The following ZBBX variants were observed in gnomAD, a reference collection of about 807,000 sequenced individuals.
The protein encoded by ZBBX is zinc finger B-box domain-containing protein 1.
A neutral mutation model predicts 108.5 loss-of-function variants in ZBBX; 101 were observed. The ratio of observed to expected loss-of-function variants is 0.93; its 90% CI spans 0.79 to 1.10. The LOEUF (loss-of-function observed/expected upper bound fraction) is 1.10, where lower values mean the gene tolerates loss of function less well. ZBBX is among the 50% of genes least tolerant of loss of function. The pLI, the probability that ZBBX is intolerant of heterozygous loss-of-function variation, is 0.00. For synonymous variants in ZBBX, 356 were observed against 323.4 expected (o/e 1.10, Z -1.08); for missense variants, 1,009 against 941.4 (o/e 1.07, Z -0.94).
chr3:167,245,065 C>T (rs1403723999), intron 20 of ZBBX, among the ~76,000 whole-genome samples: 1 of 152,118 alleles, frequency 6.6e-6, no homozygotes, highest in African/African-American at 2.4e-5. Flanking sequence ...TAAGGAACAA[C>T]AACAACAACT....
At chr3:167,285,491 A>G (rs1040339865) in intron 19 of ZBBX, among the ~76,000 whole-genome samples, 1 of 152,126 alleles carries the variant, frequency 6.6e-6, no homozygotes, top group African/African-American at 2.4e-5. Flanking sequence ...ATTTTCTAAG[A>G]ATTCTTAAAT....
chr3:167,329,787 C>T (rs997409475), intron 10 of ZBBX, among the ~76,000 whole-genome samples: 1 of 152,164 alleles, frequency 6.6e-6, no homozygotes, highest in Non-Finnish European at 1.5e-5. Context: ...GCTCTGCCTG[C>T]TGCACAGAGG....
chr3:167,291,556 C>T (rs1238808011), intron 18 of ZBBX, among the ~76,000 whole-genome samples: 1 of 152,050 alleles, frequency 6.6e-6, no homozygotes, highest in African/African-American at 2.4e-5. Context: ...CTGAAGGAAG[C>T]ACTAAATATG....
intron 12 of ZBBX, among the ~76,000 whole-genome samples, chr3:167,318,987 C>A (rs537792934): frequency 6.6e-6 from 1 of 152,028 alleles, no homozygotes; most frequent in South Asian, 2.1e-4. Context: ...AACCAGAACT[C>A]TCGTACCTTG....
At chr3:167,304,695 G>T (rs997123447) in intron 17 of ZBBX, among the ~76,000 whole-genome samples, 1 of 152,054 alleles carries the variant, frequency 6.6e-6, no homozygotes, top group Non-Finnish European at 1.5e-5. Context: ...CTATTTTCCA[G>T]GTGAAACGTT....
At chr3:167,188,199 T>C in the ZBBX span, among the ~76,000 whole-genome samples, 1 of 152,186 alleles carries the variant, frequency 6.6e-6, no homozygotes, top group Non-Finnish European at 1.5e-5. Context: ...AGTATTGGTG[T>C]TCAGGGAAGA....
At chr3:167,219,334 C>A in the ZBBX span, among the ~76,000 whole-genome samples, 1 of 151,902 alleles carries the variant, frequency 6.6e-6, no homozygotes. Flanking sequence ...AATACAGATT[C>A]TACTACCACA....
intron 1 of ZBBX, among the ~76,000 whole-genome samples, chr3:167,395,306 T>C (rs1748196534): frequency 6.6e-6 from 1 of 152,072 alleles, no homozygotes; most frequent in Non-Finnish European, 1.5e-5. Context: ...TTAAGTTTTA[T>C]AAATAACAGT....
intron 16 of ZBBX, among the ~76,000 whole-genome samples, chr3:167,306,769 C>A (rs978299725): frequency 6.6e-6 from 1 of 152,168 alleles, no homozygotes; most frequent in African/African-American, 2.4e-5. Context: ...ATACTACTTT[C>A]ATTTTAAATA....
intron 20 of ZBBX, among the ~76,000 whole-genome samples, chr3:167,247,785 G>A (rs1721844658): frequency 6.6e-6 from 1 of 152,120 alleles, no homozygotes; most frequent in Non-Finnish European, 1.5e-5. Context: ...TCAAATGGGA[G>A]CTCTGCCAGG....
chr3:167,255,957 A>G lies in ZBBX; in HGVS notation c.2255-13314T>C, dbSNP rs1576789107. 2.0e-5 allele frequency among the ~76,000 whole-genome samples: 3 copies of G among 152,058 alleles called. No homozygotes were observed. In the South Asian group the frequency reaches 6.2e-4, roughly 32 times the overall value. ...TCCCACCACTCCACCCACACTCCCC[A>G]CTATACTTCCTAGCCTCTGGTAAGC... is the stretch of plus-strand genomic sequence containing the variant. On this transcript the variant is annotated intron_variant, in intron 20 of 21. Coordinates refer to ENST00000675490, the MANE Select transcript of ZBBX (RefSeq NM_001199201.2).
chr3:167,317,564 T>C lies in ZBBX; in HGVS notation c.1017A>G (p.Pro339=). 1 of 1,610,690 alleles carries C rather than the reference T, an allele frequency of 6.2e-7. No individual in the cohort carries two copies. The highest frequency in any genetic ancestry group is 8.5e-7 in the Non-Finnish European group (1 of 1,178,206). Residue 339 remains proline (P), a synonymous_variant, in exon 13 of 22, where the codon CCA becomes CCG. Coordinates refer to ENST00000675490, the MANE Select transcript of ZBBX (RefSeq NM_001199201.2). Reference sequence around the variant, plus strand: ...TTTCATGTGGATGTGGGAACGTATCTGGTAGCATTTTAAAAAGTTGCTCTT... The same window carrying C: ...TTTCATGTGGATGTGGGAACGTATCCGGTAGCATTTTAAAAAGTTGCTCTT... ...TPQEQLFKML[P]DTFPHPHETT...
intron 10 of ZBBX, among the ~76,000 whole-genome samples, chr3:167,333,196 G>C (rs570550836): frequency 6.6e-6 from 1 of 151,960 alleles, no homozygotes; most frequent in African/African-American, 2.4e-5. Flanking sequence ...CAAGCAGAAT[G>C]ACTTCAGCTA....
chr3:167,203,804 T>G, the ZBBX span, among the ~76,000 whole-genome samples: 1 of 152,158 alleles, frequency 6.6e-6, no homozygotes, highest in Non-Finnish European at 1.5e-5. Flanking sequence ...ATAGCCGAAA[T>G]GTAATATTGG....
At chr3:167,390,765 G>A (rs768471653) in intron 1 of ZBBX, among the ~76,000 whole-genome samples, 10 of 152,048 alleles carry the variant, frequency 6.6e-5, no homozygotes, top group African/African-American at 2.4e-4. Context: ...GTGAATGGGA[G>A]TTCACTCATG....
chr3:167,202,975 A>C, the ZBBX span, among the ~76,000 whole-genome samples: 1 of 152,186 alleles, frequency 6.6e-6, no homozygotes, highest in Non-Finnish European at 1.5e-5. Flanking sequence ...CCATAGTGTC[A>C]TATTAGTTCA....
At chr3:167,395,882 AG>A (rs1748220067) in intron 1 of ZBBX, among the ~76,000 whole-genome samples, 1 of 151,972 alleles carries the variant, frequency 6.6e-6, no homozygotes, top group Non-Finnish European at 1.5e-5. Context: ...CTGGCATATA[AG>A]GAAACTTCTG....
At chr3:167,278,719 A>G (rs2108509342) in intron 20 of ZBBX, among the ~76,000 whole-genome samples, 1 of 151,506 alleles carries the variant, frequency 6.6e-6, no homozygotes, top group East Asian at 2.0e-4. Flanking sequence ...CAATCAATAG[A>G]AAAAGAGGGA....
intron 9 of ZBBX, among the ~76,000 whole-genome samples, chr3:167,339,835 A>G (rs1740229135): frequency 6.6e-6 from 1 of 151,960 alleles, no homozygotes; most frequent in South Asian, 2.1e-4. Context: ...TCACGCGTCG[A>G]AAGGCTCCGG....
Sources: gnomAD v4.1 joint callset for allele counts (sites outside exome capture counted in the v4.1 genomes callset) on GRCh38, gnomAD v4.1.1 for gene constraint, MANE v1.5 for transcripts, NCBI Gene and HGNC (gene_info 2026-07-23, HGNC 2026-07-21) for gene names.